The following FBXW10 variants were observed in gnomAD, a reference collection of about 807,000 sequenced individuals.
The protein encoded by FBXW10 is F-box/WD repeat-containing protein 10.
A neutral mutation model predicts 113.1 loss-of-function variants in FBXW10; 68 were observed. The ratio of observed to expected loss-of-function variants is 0.60; its 90% CI spans 0.49 to 0.74. The LOEUF (loss-of-function observed/expected upper bound fraction) is 0.74. Ranked by LOEUF, FBXW10 falls within the 30% of genes least tolerant of loss-of-function variation. The probability of loss-of-function intolerance (pLI) is 0.00; values close to 1 mark genes in which losing one functional copy is unlikely to be tolerated. For synonymous variants in FBXW10, 289 were observed against 481.6 expected (o/e 0.60, Z 5.24); for missense variants, 753 against 1,284.5 (o/e 0.59, Z 6.32).
At chr17:18,764,961 T>G (rs2035463226) in intron 8 of FBXW10, 98 bp downstream of exon 8, 2 of 1,610,026 alleles carry the variant, frequency 1.2e-6, no homozygotes, top group Non-Finnish European at 1.7e-6. Context: ...AGGCAGTCAT[T>G]TATTCTTTAT....
At chr17:18,764,914 G>A (rs779743327) in intron 8 of FBXW10, 51 bp downstream of exon 8, 7 of 1,613,580 alleles carry the variant, frequency 4.3e-6, no homozygotes, top group Non-Finnish European at 5.9e-6. Flanking sequence ...CGACCCACGG[G>A]TTACCAAAAT....
At chr17:18,746,716 A>T (rs892951169) in intron 1 of FBXW10, among the ~76,000 whole-genome samples, 3 of 152,126 alleles carry the variant, frequency 2.0e-5, no homozygotes, top group Non-Finnish European at 4.4e-5. Context: ...TGCTTAGGTC[A>T]CCCACCACGT....
At chr17:18,776,276 T>C (rs562230495) in intron 13 of FBXW10, among the ~76,000 whole-genome samples, 1 of 151,904 alleles carries the variant, frequency 6.6e-6, no homozygotes, top group East Asian at 1.9e-4. Context: ...TGAGCTGAGA[T>C]CGTGCCACTG....
intron 2 of FBXW10, among the ~76,000 whole-genome samples, chr17:18,748,672 GC>G (rs2035095204): frequency 6.6e-6 from 1 of 152,098 alleles, no homozygotes; most frequent in Admixed American, 6.6e-5. Context: ...CCGCTGCAGT[GC>G]CCACAAGACA....
At chr17:18,752,654 A>C (rs369333094) in intron 5 of FBXW10, among the ~76,000 whole-genome samples, 11 of 151,642 alleles carry the variant, frequency 7.3e-5, no homozygotes, top group African/African-American at 2.7e-4. Flanking sequence ...CAGAGCTTGC[A>C]GTGAGCCGAG....
At chr17:18,775,690 A>G (rs1351537579) in intron 13 of FBXW10, among the ~76,000 whole-genome samples, 1 of 152,212 alleles carries the variant, frequency 6.6e-6, no homozygotes, top group Non-Finnish European at 1.5e-5. Flanking sequence ...TATATGTGAG[A>G]TAAAGAGATA....
Position 18,751,853 on chromosome 17 carries a change from G to A in FBXW10, c.1122+800G>A, listed in dbSNP as rs1340625087. On this transcript the variant is annotated intron_variant, in intron 5 of 13. Transcript: ENST00000395665. ...ACTCTGGCTCTAGGATGGAAGGGGA[G>A]AGTTAACTAAATATAGCCCTTTCCA... Among the ~76,000 whole-genome samples the A allele has an allele frequency of 2.6e-5, 4 of 152,216 alleles. 1 individual carries two copies. Among genetic ancestry groups the A allele is most frequent in the South Asian group, 4.1e-4 (2 of 4,834 alleles).
intron 6 of FBXW10, among the ~76,000 whole-genome samples, chr17:18,756,759 A>G (rs1384788956): frequency 6.6e-6 from 1 of 152,224 alleles, no homozygotes; most frequent in African/African-American, 2.4e-5. Flanking sequence ...AAGTTCCTTT[A>G]ATAAGCAACT....
chr17:18,764,729 C>T lies in FBXW10; in HGVS notation c.1434-13C>T. 2 of 1,613,732 alleles carry T rather than the reference C, an allele frequency of 1.2e-6. No homozygotes were observed. Among genetic ancestry groups the T allele is most frequent in the Non-Finnish European group, 8.5e-7 (1 of 1,179,812 alleles). ...TCAGGAACTCTCACATTCTTTTGGC[C>T]TGATTCCTGCAGATACTGGGATCTG... On this transcript the variant is annotated splice_polypyrimidine_tract_variant and intron_variant, in intron 7 of 13. Transcript: ENST00000395665.
At chr17:18,772,126 A>G (rs773355954) in intron 11 of FBXW10, among the ~76,000 whole-genome samples, 2 of 152,212 alleles carry the variant, frequency 1.3e-5, no homozygotes, top group Non-Finnish European at 2.9e-5. Context: ...AAATAAAAAT[A>G]AAAAATAAAA....
chr17:18,776,045 G>A (rs796250548), intron 13 of FBXW10, among the ~76,000 whole-genome samples: 8 of 152,052 alleles, frequency 5.3e-5, no homozygotes, highest in Admixed American at 3.3e-4. Flanking sequence ...GTGGCCGGGC[G>A]CGGTGGCTCA....
intron 1 of FBXW10, among the ~76,000 whole-genome samples, chr17:18,745,798 G>C (rs942710228): frequency 4.6e-5 from 7 of 152,222 alleles, no homozygotes; most frequent in African/African-American, 1.7e-4. Context: ...CAGGCCTAGG[G>C]TGTTGGAGAA....
intron 2 of FBXW10, among the ~76,000 whole-genome samples, chr17:18,748,555 T>C (rs1299262675): frequency 2.0e-5 from 3 of 151,944 alleles, no homozygotes; most frequent in African/African-American, 7.2e-5. Flanking sequence ...ATCTACAATG[T>C]GCTGGGCTCT....
Position 18,779,263 on chromosome 17 carries a change from G to A in FBXW10, c.3124G>A (p.Ala1042Thr), listed in dbSNP as rs761519774. The A allele has an allele frequency of 2.4e-6, 3 of 1,275,370 alleles. 1 individual carries two copies. The African/African-American group carries it at 5.1e-5, about 21-fold the overall frequency. The allele number at this position is 1,275,370 out of a possible 1,614,324, so 79.0% of individuals were successfully genotyped here. The change falls in exon 14 of 14, where the codon GCG (alanine) becomes ACG (threonine). Residue 1042 changes from alanine (A) to threonine (T), a missense_variant. By Grantham distance (58) the Ala-to-Thr change is moderately conservative. Transcript: ENST00000395665. ...IDNFTKQGKT[A>T]APELGQNVFI is the part of the protein sequence containing the mutation. ...TAATTTCACGAAGCAAGGGAAAACAGCGGCCCCTGAACTTGGACAAAATGT... is the reference window on the plus strand; with the variant it reads ...TAATTTCACGAAGCAAGGGAAAACAACGGCCCCTGAACTTGGACAAAATGT...
intron 8 of FBXW10, among the ~76,000 whole-genome samples, chr17:18,766,275 A>G (rs191502468): frequency 1.3e-5 from 2 of 152,302 alleles, no homozygotes; most frequent in East Asian, 3.9e-4. Flanking sequence ...AACATCTGGG[A>G]AAAATGACAA....
chr17:18,770,770 T>C (rs1296293875), intron 11 of FBXW10, among the ~76,000 whole-genome samples: 1 of 152,062 alleles, frequency 6.6e-6, no homozygotes, highest in Non-Finnish European at 1.5e-5. Context: ...TCACTTCTAA[T>C]GCAAAGAGAC....
chr17:18,758,823 C>A (rs957918601), intron 7 of FBXW10, among the ~76,000 whole-genome samples: 1 of 42,698 alleles, frequency 2.3e-5, no homozygotes, highest in East Asian at 4.6e-4. Context: ...TTCAGGGGAA[C>A]GTGGTTTTTA....
In FBXW10 at chr17:18,764,770, A is replaced by G. The variant is rs2035455457; in HGVS notation, c.1462A>G (p.Thr488Ala). Residue 488 changes from threonine to alanine, a missense_variant, in exon 8 of 14, where the codon ACA (threonine) becomes GCA (alanine). Coordinates refer to ENST00000395665, the MANE Select transcript of FBXW10 (RefSeq NM_001267585.2). ...CTGGGATCTGAAAAGTGGGGTTTGC[A>G]CACGAATCTTCGGTGGTCACCAGGG... ...RYWDLKSGVCTRIFGGHQGTI... is the reference protein window; with the variant it reads ...RYWDLKSGVCARIFGGHQGTI... 6.2e-7 allele frequency: 1 copy of G among 1,613,544 alleles called. No individual in the cohort carries two copies. The highest frequency in any genetic ancestry group is 8.5e-7 in the Non-Finnish European group (1 of 1,179,704).
At chr17:18,748,428 A>G (rs1464525055) in intron 2 of FBXW10, among the ~76,000 whole-genome samples, 1 of 149,004 alleles carries the variant, frequency 6.7e-6, no homozygotes, top group Non-Finnish European at 1.5e-5. Flanking sequence ...AAAAAAAAAA[A>G]AAAAGAAAGC....
Sources: allele counts gnomAD v4.1 joint callset (sites outside exome capture counted in the v4.1 genomes callset), GRCh38; gene constraint gnomAD v4.1.1; transcripts MANE v1.5; gene names NCBI Gene and HGNC (gene_info 2026-07-23, HGNC 2026-07-21).